GRAMD1B: variants seen among roughly 807,000 people sequenced by gnomAD.
The protein encoded by GRAMD1B is protein Aster-B.
Under a neutral mutation model 99.7 loss-of-function variants are expected in GRAMD1B, and 37 were observed. That is an observed-to-expected ratio of 0.37 (90% CI 0.29 to 0.49). The LOEUF (loss-of-function observed/expected upper bound fraction) is 0.49, where lower values mean the gene tolerates loss of function less well. Ranked by LOEUF, GRAMD1B falls within the 20% of genes least tolerant of loss-of-function variation. The probability of loss-of-function intolerance (pLI) is 0.98; values close to 1 mark genes in which losing one functional copy is unlikely to be tolerated. For missense variants in GRAMD1B, 888 were observed against 1,009.2 expected, an observed-to-expected ratio of 0.88 and a Z score of 1.63; for synonymous variants, 427 against 387.6, an observed-to-expected ratio of 1.10 and a Z score of -1.19.
chr11:123,552,261 TTC>T (rs1393424612), intron 2 of GRAMD1B, among the ~76,000 whole-genome samples: 3 of 146,190 alleles, frequency 2.1e-5, no homozygotes, highest in Non-Finnish European at 3.0e-5. Context: ...CACAGTTGTC[TTC>T]TCTTTCTTTC....
At chr11:123,498,108 GC>G (rs1939502872) in intron 2 of GRAMD1B, among the ~76,000 whole-genome samples, 1 of 152,066 alleles carries the variant, frequency 6.6e-6, no homozygotes, top group African/African-American at 2.4e-5. Flanking sequence ...ATGCTGCCAG[GC>G]CTGGGACCCA....
chr11:123,563,497 G>C (rs561537806), intron 2 of GRAMD1B, among the ~76,000 whole-genome samples: 12 of 152,030 alleles, frequency 7.9e-5, no homozygotes, highest in African/African-American at 2.2e-4. Flanking sequence ...ATATAACAGA[G>C]GGTTTTTTCT....
chr11:123,392,056 G>T (rs1325776084), intron 1 of GRAMD1B, among the ~76,000 whole-genome samples: 1 of 152,134 alleles, frequency 6.6e-6, no homozygotes, highest in East Asian at 1.9e-4. Context: ...TAGAGTGAGG[G>T]ACTGGACCAT....
chr11:123,446,556 C>T (rs779656490), intron 1 of GRAMD1B, among the ~76,000 whole-genome samples: 13 of 152,140 alleles, frequency 8.5e-5, no homozygotes, highest in Non-Finnish European at 1.2e-4. Context: ...AGAGGACAGT[C>T]GCCTGCCCAT....
chr11:123,438,866 A>G (rs949027875), intron 1 of GRAMD1B, among the ~76,000 whole-genome samples: 1 of 152,168 alleles, frequency 6.6e-6, no homozygotes, highest in African/African-American at 2.4e-5. Flanking sequence ...CTAAGCTGCC[A>G]GTGGGGAATT....
At chr11:123,385,545 C>T (rs1947026725) in intron 1 of GRAMD1B, among the ~76,000 whole-genome samples, 1 of 152,140 alleles carries the variant, frequency 6.6e-6, no homozygotes, top group Admixed American at 6.5e-5. Context: ...TGCCCATGAA[C>T]ATATTTATGC....
chr11:123,461,670 T>TCTCGGCTCACTGCAAC (rs1451325986), intron 1 of GRAMD1B, among the ~76,000 whole-genome samples: 1 of 152,222 alleles, frequency 6.6e-6, no homozygotes, highest in East Asian at 1.9e-4. Context: ...AATGGCGTGA[T>TCTCGGCTCACTGCAAC]CTCGGCTCAC....
At chr11:123,575,234 T>C (rs1435968961) in intron 2 of GRAMD1B, among the ~76,000 whole-genome samples, 2 of 152,108 alleles carry the variant, frequency 1.3e-5, no homozygotes, top group African/African-American at 4.8e-5. Flanking sequence ...GGATTCTGGG[T>C]TTGGGGAAGG....
intron 1 of GRAMD1B, among the ~76,000 whole-genome samples, chr11:123,450,916 C>G (rs548801184): frequency 3.3e-5 from 5 of 152,218 alleles, no homozygotes; most frequent in Admixed American, 2.0e-4. Context: ...AGAAATGGCC[C>G]TTTATTATCC....
intron 1 of GRAMD1B, among the ~76,000 whole-genome samples, chr11:123,396,734 C>G (rs1038366619): frequency 6.6e-6 from 1 of 152,190 alleles, no homozygotes; most frequent in African/African-American, 2.4e-5. Context: ...ATCTTGGTGC[C>G]TAGAGACAAG....
chr11:123,431,182 G>A lies in GRAMD1B; in HGVS notation c.374+16G>A. 2.9e-6 allele frequency: 2 copies of A among 689,832 alleles called. No homozygotes were observed. Among genetic ancestry groups the A allele is most frequent in the Non-Finnish European group, 5.3e-6 (2 of 377,326 alleles). 42.7% of individuals were successfully genotyped at this position (689,832 alleles called of 1,614,324 possible). A position where few individuals can be genotyped will look rare whatever the true frequency, so the allele number is the denominator to read the frequency against. On this transcript the variant is annotated intron_variant, in intron 1 of 19. Coordinates refer to ENST00000635736, the MANE Select transcript of GRAMD1B (RefSeq NM_001387025.1). The stretch of plus-strand genomic sequence containing the variant: ...GTGAAAGCAGGTACGTCCCCGTTCC[G>A]CCCGTCTCCTTCCCTTCCCTCCCGT...
intron 1 of GRAMD1B, among the ~76,000 whole-genome samples, chr11:123,465,727 C>T (rs1441587893): frequency 6.6e-6 from 1 of 151,128 alleles, no homozygotes; most frequent in Non-Finnish European, 1.5e-5. Context: ...TGAGATCACA[C>T]CACTGTACTC....
At chr11:123,622,392 C>A in intron 19 of GRAMD1B, 114 bp from the exon 20 acceptor site, 2 of 668,030 alleles carry the variant, frequency 3.0e-6, no homozygotes, top group Middle Eastern at 2.6e-4. Context: ...CTCTTTTCAG[C>A]CCCATGGCGT....
intron 2 of GRAMD1B, among the ~76,000 whole-genome samples, chr11:123,498,072 A>G (rs887120388): frequency 3.9e-5 from 6 of 152,060 alleles, no homozygotes; most frequent in African/African-American, 1.4e-4. Context: ...TTAAAGTCCA[A>G]AGACTTTTCA....
At chr11:123,454,939 G>A (rs141260884) in intron 1 of GRAMD1B, 98 of 152,286 alleles carry the variant, frequency 6.4e-4, no homozygotes, top group African/African-American at 2.3e-3. Flanking sequence ...TGTATTTGTG[G>A]GACTAGGTGC....
chr11:123,513,269 T>A (rs1273352296), intron 2 of GRAMD1B, among the ~76,000 whole-genome samples: 1 of 152,202 alleles, frequency 6.6e-6, no homozygotes, highest in Non-Finnish European at 1.5e-5. Flanking sequence ...ATGACAACAT[T>A]CCCTATTAGA....
intron 9 of GRAMD1B, among the ~76,000 whole-genome samples, chr11:123,604,907 G>A (rs1274213): frequency 0.11 from 16,463 of 152,186 alleles, 1,001 homozygotes; most frequent in Admixed American, 0.18. Flanking sequence ...CTTAAGGAGC[G>A]CTCATGTCCA....
intron 1 of GRAMD1B, among the ~76,000 whole-genome samples, chr11:123,363,596 C>T (rs1442204395): frequency 6.8e-6 from 1 of 147,876 alleles, no homozygotes; most frequent in African/African-American, 2.7e-5. Flanking sequence ...TTTTTTTTGG[C>T]ACTGGGTTTG....
chr11:123,505,823 ACT>A (rs951078644), intron 2 of GRAMD1B, among the ~76,000 whole-genome samples: 12 of 151,722 alleles, frequency 7.9e-5, no homozygotes, highest in African/African-American at 2.7e-4. Flanking sequence ...TTTCTCTTTC[ACT>A]CTCTCTCTCT....
Sources: gnomAD v4.1 joint callset for allele counts (sites outside exome capture counted in the v4.1 genomes callset) on GRCh38, gnomAD v4.1.1 for gene constraint, MANE v1.5 for transcripts, NCBI Gene and HGNC (gene_info 2026-07-23, HGNC 2026-07-21) for gene names.